The following SPINK5 variants were observed in gnomAD, a reference collection of about 807,000 sequenced individuals.
The protein encoded by SPINK5 is serine peptidase inhibitor Kazal type 5, also known as serine protease inhibitor Kazal-type 5.
SPINK5 carries 125 observed loss-of-function variants against 151.8 expected under a neutral mutation model. The observed-to-expected ratio is 0.82, with a 90% CI of 0.71 to 0.96. The LOEUF is 0.96. SPINK5 is among the 40% of genes least tolerant of loss of function. The pLI is 0.00. For missense variants in SPINK5, 1,194 were observed against 1,291.9 expected, an observed-to-expected ratio of 0.92 and a Z score of 1.16; for synonymous variants, 374 against 395.3, an observed-to-expected ratio of 0.95 and a Z score of 0.64.
At chr5:148,070,017 C>G (rs2127189080) in intron 2 of SPINK5, among the ~76,000 whole-genome samples, 1 of 152,112 alleles carries the variant, frequency 6.6e-6, no homozygotes, top group Non-Finnish European at 1.5e-5. Context: ...TACTATTGGC[C>G]TACTGTGTAC....
intron 5 of SPINK5, among the ~76,000 whole-genome samples, chr5:148,088,085 T>C (rs147370059): frequency 0.01 from 1,529 of 151,918 alleles, 36 homozygotes; most frequent in African/African-American, 0.035. Context: ...CAAAATTAAT[T>C]ATCAAGACTT....
At chr5:148,095,998 A>G in intron 10 of SPINK5, 93 bp downstream of exon 10, 1 of 937,420 alleles carries the variant, frequency 1.1e-6, no homozygotes, top group Non-Finnish European at 1.7e-6. Context: ...ATGCACTTTC[A>G]ATATTGTTTA....
Position 148,107,160 on chromosome 5 carries a change from G to A in SPINK5, c.1603G>A (p.Val535Met). The A allele has an allele frequency of 6.2e-7, 1 of 1,611,832 alleles. No individual in the cohort carries two copies. The highest frequency in any genetic ancestry group is 8.5e-7 in the Non-Finnish European group (1 of 1,178,556). ...AAACAAGTGTGCCATGTGTGCCAGTGTGTTGTGAGTGTCCACCCCATCTCT... is the reference window on the plus strand; with the variant it reads ...AAACAAGTGTGCCATGTGTGCCAGTATGTTGTGAGTGTCCACCCCATCTCT... ...HGNKCAMCAS[V>M]FKLEEEEKKN... The change falls in exon 17 of 33, where the codon GTG (valine) becomes ATG (methionine). Residue 535 changes from valine (V) to methionine (M), a missense_variant. Transcript: ENST00000256084.
intron 22 of SPINK5, among the ~76,000 whole-genome samples, chr5:148,117,740 GCTAA>G (rs747270673): frequency 2.0e-5 from 3 of 152,170 alleles, no homozygotes; most frequent in South Asian, 2.1e-4. Context: ...TATATGGAGG[GCTAA>G]CTTTTTGTAT....
chr5:148,095,422 G>C (rs1323336689), intron 9 of SPINK5, among the ~76,000 whole-genome samples: 1 of 151,946 alleles, frequency 6.6e-6, no homozygotes, highest in Non-Finnish European at 1.5e-5. Context: ...CTTAAGTTCA[G>C]TAGCAGAAAT....
At chr5:148,130,676 T>A (rs1307117313) in intron 30 of SPINK5, among the ~76,000 whole-genome samples, 1 of 152,192 alleles carries the variant, frequency 6.6e-6, no homozygotes, top group African/African-American at 2.4e-5. Flanking sequence ...ACACTTAGTA[T>A]GTGACAGATA....
chr5:148,098,030 G>C, intron 11 of SPINK5, 36 bp downstream of exon 11: 3 of 1,590,592 alleles, frequency 1.9e-6, no homozygotes, highest in Non-Finnish European at 1.7e-6. Flanking sequence ...AAGAAAGAAG[G>C]GATCTTGCAG....
intron 32 of SPINK5, among the ~76,000 whole-genome samples, chr5:148,136,144 T>A (rs1754689431): frequency 6.6e-6 from 1 of 152,174 alleles, no homozygotes; most frequent in Non-Finnish European, 1.5e-5. Context: ...CAGGAGATTC[T>A]GAAAACTAAG....
chr5:148,077,224 G>A, intron 4 of SPINK5, among the ~76,000 whole-genome samples: 1 of 150,164 alleles, frequency 6.7e-6, no homozygotes, highest in Non-Finnish European at 1.5e-5. Flanking sequence ...TTTAGAAAGT[G>A]GCAAGAGAAA....
In SPINK5 at chr5:148,101,456, C is replaced by A; in HGVS notation, c.1302+20C>A. ...TTTGAGGTGAGTTTATATCCTCCAG[C>A]AACTCAGAGGGATATGGCCCTGAGG... On this transcript the variant is annotated intron_variant, in intron 14 of 32. Coordinates refer to ENST00000256084, the MANE Select transcript of SPINK5 (RefSeq NM_006846.4). The A allele has an allele frequency of 6.4e-7, 1 of 1,551,264 alleles. No homozygotes were observed. Among genetic ancestry groups the A allele is most frequent in the Non-Finnish European group, 8.9e-7 (1 of 1,122,498 alleles).
At chr5:148,133,738 A>G in intron 31 of SPINK5, 59 bp from the exon 32 acceptor site, 1 of 1,564,032 alleles carries the variant, frequency 6.4e-7, no homozygotes. Flanking sequence ...GTCCTTATTT[A>G]TTTTCTTATT....
intron 10 of SPINK5, 81 bp downstream of exon 10, chr5:148,095,986 G>A (rs1344712828): frequency 3.9e-5 from 41 of 1,055,992 alleles, no homozygotes; most frequent in Non-Finnish European, 5.4e-5. Flanking sequence ...ATATTACATA[G>A]TATGCACTTT....
intron 4 of SPINK5, among the ~76,000 whole-genome samples, chr5:148,085,908 G>T (rs1409439140): frequency 6.6e-6 from 1 of 151,848 alleles, no homozygotes; most frequent in East Asian, 1.9e-4. Context: ...TGCACATGAG[G>T]ACACTAAAGC....
intron 15 of SPINK5, among the ~76,000 whole-genome samples, chr5:148,103,283 C>G (rs1343839333): frequency 1.3e-5 from 2 of 151,974 alleles, no homozygotes; most frequent in African/African-American, 4.8e-5. Flanking sequence ...AGATAAAAAG[C>G]AAGAACAAAA....
chr5:148,069,702 T>A (rs922130684), intron 2 of SPINK5, among the ~76,000 whole-genome samples: 1 of 152,072 alleles, frequency 6.6e-6, no homozygotes, highest in Admixed American at 6.6e-5. Flanking sequence ...AAGGGGGATG[T>A]GACAGTGAAG....
At chr5:148,119,963 A>G in intron 24 of SPINK5, 46 bp from the exon 25 acceptor site, 1 of 1,607,112 alleles carries the variant, frequency 6.2e-7, no homozygotes, top group Non-Finnish European at 8.5e-7. Flanking sequence ...CCAATCAAAT[A>G]TTATGTAAAA....
At chr5:148,124,487 T>C (rs1229803544) in intron 27 of SPINK5, among the ~76,000 whole-genome samples, 1 of 152,182 alleles carries the variant, frequency 6.6e-6, no homozygotes, top group Non-Finnish European at 1.5e-5. Context: ...GTCTATTATA[T>C]TAAGGAAAAA....
chr5:148,136,908 A>G, intron 32 of SPINK5, 75 bp from the exon 33 acceptor site: 1 of 1,545,284 alleles, frequency 6.5e-7, no homozygotes, highest in Non-Finnish European at 8.9e-7. Flanking sequence ...ATTAAGATGC[A>G]GCTATAAATA....
At chr5:148,100,652 A>C in intron 13 of SPINK5, 71 bp downstream of exon 13, 2 of 1,537,298 alleles carry the variant, frequency 1.3e-6, no homozygotes, top group Non-Finnish European at 1.8e-6. Context: ...ATGTTCAATT[A>C]TGGGAGGGCC....
Sources: allele counts gnomAD v4.1 joint callset (sites outside exome capture counted in the v4.1 genomes callset), GRCh38; gene constraint gnomAD v4.1.1; transcripts MANE v1.5; gene names NCBI Gene and HGNC (gene_info 2026-07-23, HGNC 2026-07-21).